PGAM5: variants seen among roughly 807,000 people sequenced by gnomAD.
PGAM5 encodes the protein PGAM family member 5, mitochondrial serine/threonine protein phosphatase.
In PGAM5, 25 loss-of-function variants were observed where a neutral mutation model predicts 30.6. The observed-to-expected ratio is 0.82, with a 90% CI of 0.60 to 1.14. The LOEUF (loss-of-function observed/expected upper bound fraction) is 1.14, where lower values mean the gene tolerates loss of function less well. Among genes scored for constraint, PGAM5 ranks in the 50% most tolerant of loss-of-function variants. The pLI, the probability that PGAM5 is intolerant of heterozygous loss-of-function variation, is 0.00. For missense variants in PGAM5, 384 were observed against 408.5 expected (o/e 0.94, Z 0.52); for synonymous variants, 201 against 179.1 (o/e 1.12, Z -0.98).
At chr12:132,720,052 C>T (rs145120993) in intron 5 of PGAM5, among the ~76,000 whole-genome samples, 58 of 152,192 alleles carry the variant, frequency 3.8e-4, no homozygotes, top group African/African-American at 1.4e-3. Context: ...GGGGTTGGGC[C>T]CCTGTCCTAA....
intron 1 of PGAM5, 155 bp downstream of exon 1, chr12:132,711,222 C>A (rs2043518763): frequency 3.6e-6 from 2 of 550,136 alleles, no homozygotes; most frequent in Non-Finnish European, 5.1e-6. Context: ...TTTCCGGGGC[C>A]GCTCTGCGCG....
Position 132,715,034 on chromosome 12 carries a change from T to G in PGAM5, c.368T>G (p.Leu123Arg). ...SLEKDRTLTP[L>R]GREQAELTGL... is the part of the protein sequence containing the mutation. ...GAGAAGGACCGCACTCTGACCCCGC[T>G]GGGTATGTGGTGGGTTCAGATCCTC... is the stretch of plus-strand genomic sequence containing the variant. Residue 123 changes from leucine (L) to arginine (R), a missense_variant and splice_region_variant, in exon 2 of 6, where the codon CTG (leucine) becomes CGG (arginine). By Grantham distance (102) the Leu-to-Arg change is moderately radical. Transcript: ENST00000498926. The G allele has an allele frequency of 6.2e-7, 1 of 1,608,268 alleles. No individual in the cohort carries two copies. The highest frequency in any genetic ancestry group is 8.5e-7 in the Non-Finnish European group (1 of 1,177,760).
chr12:132,720,361 G>A (rs1466580835), intron 5 of PGAM5, among the ~76,000 whole-genome samples: 2 of 149,778 alleles, frequency 1.3e-5, no homozygotes, highest in Non-Finnish European at 3.0e-5. Flanking sequence ...AGGCTGGAGT[G>A]CAGTGGCGCG....
chr12:132,715,645 G>A (rs986363411), intron 2 of PGAM5, among the ~76,000 whole-genome samples: 12 of 151,882 alleles, frequency 7.9e-5, no homozygotes, highest in Non-Finnish European at 7.4e-5. Flanking sequence ...TTGGGAGGCC[G>A]AGGCAGGTGG....
chr12:132,721,633 G>A lies in PGAM5; in HGVS notation c.*805G>A, dbSNP rs1384618965. 6.6e-6 allele frequency: 1 copy of A among 152,254 alleles called. No homozygotes were observed. Among genetic ancestry groups the A allele is most frequent in the Non-Finnish European group, 1.5e-5 (1 of 68,060 alleles). 9.4% of individuals were successfully genotyped at this position (152,254 alleles called of 1,614,324 possible). On this transcript the variant is annotated 3_prime_UTR_variant, in exon 6 of 6. Transcript: ENST00000498926. ...AACGGAGTTTCACTCTTGTTGCCCAGGCTGGAGTGCAGTGGTGCGATCTCG... is the reference window on the plus strand; with the variant it reads ...AACGGAGTTTCACTCTTGTTGCCCAAGCTGGAGTGCAGTGGTGCGATCTCG...
chr12:132,721,062 C>A lies in PGAM5; in HGVS notation c.*234C>A, dbSNP rs547621499. The A allele has an allele frequency of 1.1e-5, 5 of 456,920 alleles. No homozygotes were observed. Among genetic ancestry groups the A allele is most frequent in the Non-Finnish European group, 1.9e-5 (5 of 258,908 alleles). The allele number at this position is 456,920 out of a possible 1,614,324, so 28.3% of individuals were successfully genotyped here. A position where few individuals can be genotyped will look rare whatever the true frequency, so the allele number is the denominator to read the frequency against. On this transcript the variant is annotated 3_prime_UTR_variant, in exon 6 of 6. Coordinates refer to ENST00000498926, the MANE Select transcript of PGAM5 (RefSeq NM_001170543.2). ...TGGGGTTTAAGGTGAAAGCGTCTCACGCACAAGTCAGGCCTGTTGTGGGGA... is the reference window on the plus strand; with the variant it reads ...TGGGGTTTAAGGTGAAAGCGTCTCAAGCACAAGTCAGGCCTGTTGTGGGGA...
rs117103262 is a variant in PGAM5, at chr12:132,719,579, T to C, written c.720-1099T>C. On this transcript the variant is annotated intron_variant, in intron 5 of 5. Transcript: ENST00000498926. ...CTTCTATGCTGCCACCACCACCTTG[T>C]GTGTCCATGACACAGTCACCCCGAG... Among the ~76,000 whole-genome samples the C allele has an allele frequency of 1.7e-3, 255 of 152,346 alleles. 4 individuals are homozygous for C. In the East Asian group the frequency reaches 0.04, roughly 24 times the overall value.
chr12:132,719,286 G>A lies in PGAM5; in HGVS notation c.719+1166G>A, dbSNP rs150083248. On this transcript the variant is annotated intron_variant, in intron 5 of 5. Coordinates refer to ENST00000498926, the MANE Select transcript of PGAM5 (RefSeq NM_001170543.2). ...CAGGACGGCACTGGTCAGTGATGCC[G>A]TGTGAGGCTGGGCCCTGGTCTCTGC... 69 of 1,029,144 alleles carry A rather than the reference G, an allele frequency of 6.7e-5. No individual in the cohort carries two copies. The African/African-American group carries it at 1.1e-3, about 16-fold the overall frequency. The allele number at this position is 1,029,144 out of a possible 1,614,324, so 63.8% of individuals were successfully genotyped here.
At chr12:132,714,119 G>A (rs983153072) in intron 1 of PGAM5, among the ~76,000 whole-genome samples, 2 of 152,198 alleles carry the variant, frequency 1.3e-5, no homozygotes, top group African/African-American at 4.8e-5. Flanking sequence ...CCAGGTTCAA[G>A]CGATTCTCCT....
chr12:132,711,942 T>C (rs568073307), intron 1 of PGAM5, among the ~76,000 whole-genome samples: 57 of 152,346 alleles, frequency 3.7e-4, no homozygotes, highest in African/African-American at 1.3e-3. Context: ...TGGCATTCTG[T>C]TTCTGTCGGC....
Position 132,717,726 on chromosome 12 carries a change from C to A in PGAM5, c.513C>A (p.Ser171Arg). Residue 171 changes from serine to arginine, a missense_variant, in exon 4 of 6, where the codon AGC (serine) becomes AGA (arginine). Ser to Arg is a moderately radical substitution (Grantham distance 110). Coordinates refer to ENST00000498926, the MANE Select transcript of PGAM5 (RefSeq NM_001170543.2). ...TCTCTGCAGGCGTCTGCAAAGTCAGCACAGATCTGCTGCGGGAAGGCGCCC... is the reference window on the plus strand; with the variant it reads ...TCTCTGCAGGCGTCTGCAAAGTCAGAACAGATCTGCTGCGGGAAGGCGCCC... ...SRHLPGVCKV[S>R]TDLLREGAPI... 6.3e-7 allele frequency: 1 copy of A among 1,577,906 alleles called. No homozygotes were observed. The highest frequency in any genetic ancestry group is 8.6e-7 in the Non-Finnish European group (1 of 1,161,978).
At chr12:132,720,013 G>A (rs968921332) in intron 5 of PGAM5, among the ~76,000 whole-genome samples, 6 of 151,504 alleles carry the variant, frequency 4.0e-5, no homozygotes, top group Middle Eastern at 3.4e-3. Flanking sequence ...AGAAGTCAGC[G>A]TTGTTCTGAT....
In PGAM5 at chr12:132,718,101, A is replaced by G; in HGVS notation, c.700A>G (p.Ile234Val). ...YEIFICHANV[I>V]RYIVCRALQF... ...GATCTTCATCTGTCACGCCAACGTC[A>G]TCCGCTACATCGTGTGCAGGTAGGC... Residue 234 changes from isoleucine (I) to valine (V), a missense_variant, in exon 5 of 6, where the codon ATC (isoleucine) becomes GTC (valine). By Grantham distance (29) the Ile-to-Val change is conservative (BLOSUM62 3). Transcript: ENST00000498926. 6.2e-7 allele frequency: 1 copy of G among 1,612,730 alleles called. No homozygotes were observed. The highest frequency in any genetic ancestry group is 8.5e-7 in the Non-Finnish European group (1 of 1,179,962).
Position 132,718,930 on chromosome 12 carries a change from C to T in PGAM5, c.719+810C>T, listed in dbSNP as rs558351759. On this transcript the variant is annotated intron_variant, in intron 5 of 5. Transcript: ENST00000498926. Reference sequence around the variant, plus strand: ...GTCACGTTGCTGCTCGGGCTGCTCCCTCGGGGGGCCCTTGTCCCTCAACCT... The same window carrying T: ...GTCACGTTGCTGCTCGGGCTGCTCCTTCGGGGGGCCCTTGTCCCTCAACCT... 1.9e-5 allele frequency: 30 copies of T among 1,556,338 alleles called. No homozygotes were observed. The Admixed American group carries it at 3.3e-4, about 17-fold the overall frequency.
chr12:132,720,654 T>TTC (rs550724872), intron 5 of PGAM5, 24 bp from the exon 6 acceptor site: 16,289 of 1,437,256 alleles, frequency 0.011, 51 homozygotes, highest in South Asian at 0.014. Flanking sequence ...AACGTGCTCT[T>TTC]TCTCTCTCTC....
chr12:132,717,817 G>A lies in PGAM5; in HGVS notation c.585+19G>A, dbSNP rs767320268. On this transcript the variant is annotated intron_variant, in intron 4 of 5. Coordinates refer to ENST00000498926, the MANE Select transcript of PGAM5 (RefSeq NM_001170543.2). ...AGCTGTGGTAAAAACCTCCCCGGGG[G>A]GCAGCTGTGTCACCCTCGCCTTCCC... 1.3e-6 allele frequency: 2 copies of A among 1,578,284 alleles called. No homozygotes were observed. Among genetic ancestry groups the A allele is most frequent in the South Asian group, 2.3e-5 (2 of 87,440 alleles).
intron 4 of PGAM5, 51 bp from the exon 5 acceptor site, chr12:132,717,936 C>T (rs1280594082): frequency 1.2e-5 from 19 of 1,608,308 alleles, no homozygotes; most frequent in Non-Finnish European, 1.5e-5. Context: ...CCTCCTGACA[C>T]CCGCCCTGCC....
In PGAM5 at chr12:132,717,738, G is replaced by A. The variant is rs773101442; in HGVS notation, c.525G>A (p.Leu175=). ...PGVCKVSTDL[L]REGAPIEPDP... is the part of the protein sequence containing the mutation. ...TCTGCAAAGTCAGCACAGATCTGCT[G>A]CGGGAAGGCGCCCCCATCGAGCCAG... The change falls in exon 4 of 6, where the codon CTG becomes CTA. Residue 175 remains leucine, a synonymous_variant. Transcript: ENST00000498926. The A allele has an allele frequency of 1.4e-5, 22 of 1,581,742 alleles. No homozygotes were observed. The South Asian group carries it at 2.1e-4, about 15-fold the overall frequency.
intron 1 of PGAM5, among the ~76,000 whole-genome samples, chr12:132,713,292 T>C (rs1487952253): frequency 6.6e-6 from 1 of 152,214 alleles, no homozygotes; most frequent in Non-Finnish European, 1.5e-5. Context: ...GAAAGACTTA[T>C]ACAGACAGAA....
Sources: allele counts gnomAD v4.1 joint callset (sites outside exome capture counted in the v4.1 genomes callset), GRCh38; gene constraint gnomAD v4.1.1; transcripts MANE v1.5; gene names NCBI Gene and HGNC (gene_info 2026-07-23, HGNC 2026-07-21).